The following NFKB1 variants were observed in gnomAD, a reference collection of about 807,000 sequenced individuals.
NFKB1 encodes the protein nuclear factor kappa B subunit 1.
Under a neutral mutation model 105.1 loss-of-function variants are expected in NFKB1, and 9 were observed. That is an observed-to-expected ratio of 0.09 (90% CI 0.05 to 0.15). The LOEUF is 0.15. NFKB1 is among the 10% of genes least tolerant of loss of function. The pLI is 1.00. For synonymous variants in NFKB1, 440 were observed against 442.2 expected, an observed-to-expected ratio of 1.00 and a Z score of 0.06; for missense variants, 830 against 1,203.7, an observed-to-expected ratio of 0.69 and a Z score of 4.59.
At chr4:102,559,975 A>T (rs1723277460) in intron 5 of NFKB1, among the ~76,000 whole-genome samples, 1 of 151,816 alleles carries the variant, frequency 6.6e-6, no homozygotes, top group South Asian at 2.1e-4. Flanking sequence ...AAAAAGAAAT[A>T]TAAGAAATGG....
At chr4:102,573,277 C>A (rs934164099) in intron 6 of NFKB1, among the ~76,000 whole-genome samples, 10 of 152,070 alleles carry the variant, frequency 6.6e-5, no homozygotes, top group African/African-American at 2.2e-4. Flanking sequence ...AATTGCACTC[C>A]GGCCTGCGCA....
intron 5 of NFKB1, among the ~76,000 whole-genome samples, chr4:102,566,059 C>A (rs774344256): frequency 5.5e-4 from 83 of 152,096 alleles, no homozygotes; most frequent in Middle Eastern, 3.2e-3. Flanking sequence ...AAAATAAGGT[C>A]TTTTCTGTTA....
chr4:102,571,513 CA>C (rs1457884857), intron 6 of NFKB1, among the ~76,000 whole-genome samples: 1 of 152,112 alleles, frequency 6.6e-6, no homozygotes, highest in Non-Finnish European at 1.5e-5. Flanking sequence ...AGCTTCTCCG[CA>C]GCAAAAGAAA....
intron 1 of NFKB1, among the ~76,000 whole-genome samples, chr4:102,506,717 C>T (rs1394723613): frequency 6.6e-6 from 1 of 152,056 alleles, no homozygotes; most frequent in South Asian, 2.1e-4. Context: ...CCTGGGAACC[C>T]TAATGCAGTC....
rs914031877 is a variant in NFKB1, at chr4:102,582,981, A to C, written c.927+24A>C. The C allele has an allele frequency of 6.7e-6, 10 of 1,495,640 alleles. No homozygotes were observed. The African/African-American group carries it at 1.4e-4, about 21-fold the overall frequency. 92.6% of individuals were successfully genotyped at this position (1,495,640 alleles called of 1,614,324 possible). A position where few individuals can be genotyped will look rare whatever the true frequency, so the allele number is the denominator to read the frequency against. On this transcript the variant is annotated intron_variant, in intron 10 of 23. Transcript: ENST00000226574. ...AAGTAAGTGATTTATTATTATTATT[A>C]ATCCTTATTATTTTTAGAGATGGGA...
chr4:102,578,583 C>CA, intron 7 of NFKB1: 1 of 456,312 alleles, frequency 2.2e-6, no homozygotes, highest in South Asian at 4.7e-5. Context: ...GCCTTTAACT[C>CA]TTACTGTAGA....
chr4:102,549,600 A>G (rs1405196211), intron 5 of NFKB1, among the ~76,000 whole-genome samples: 1 of 151,874 alleles, frequency 6.6e-6, no homozygotes, highest in Non-Finnish European at 1.5e-5. Context: ...CTAGACTTCC[A>G]CTTTGAAATG....
chr4:102,613,510 C>A lies in NFKB1; in HGVS notation c.2678C>A (p.Ser893Tyr), dbSNP rs1165511787. Residue 893 changes from serine (S) to tyrosine (Y), a missense_variant, in exon 23 of 24, where the codon TCC (serine) becomes TAC (tyrosine). Ser to Tyr is a moderately radical substitution (Grantham distance 144). Transcript: ENST00000226574. ...TEAIEVIQAA[S>Y]SPVKTTSQAH... ...GCAATTGAAGTGATCCAGGCAGCCT[C>A]CAGCCCAGTGAAGACCACCTCTCAG... The A allele has an allele frequency of 6.2e-7, 1 of 1,613,950 alleles. No homozygotes were observed. The highest frequency in any genetic ancestry group is 8.5e-7 in the Non-Finnish European group (1 of 1,180,000).
chr4:102,529,820 A>G lies in NFKB1; in HGVS notation c.40-16A>G, dbSNP rs1360788669. On this transcript the variant is annotated splice_polypyrimidine_tract_variant and intron_variant, in intron 2 of 23. Transcript: ENST00000226574. ...GAAAAATAATGATTGAAACATTTAA[A>G]TGTTCTTCTTTACAGATGTTTCATT... The G allele has an allele frequency of 4.5e-6, 7 of 1,543,274 alleles. No homozygotes were observed. The highest frequency in any genetic ancestry group is 2.3e-5 in the East Asian group (1 of 43,464).
chr4:102,575,267 A>G (rs1314841480), intron 6 of NFKB1, among the ~76,000 whole-genome samples: 1 of 152,022 alleles, frequency 6.6e-6, no homozygotes, highest in Non-Finnish European at 1.5e-5. Flanking sequence ...CACTTTTTTC[A>G]TCTGCCTGGA....
chr4:102,556,814 C>T (rs1475426499), intron 5 of NFKB1, among the ~76,000 whole-genome samples: 6 of 152,114 alleles, frequency 3.9e-5, no homozygotes, highest in Admixed American at 3.3e-4. Flanking sequence ...AAGAATCGTT[C>T]AGTATTTCTT....
chr4:102,580,617 T>A lies in NFKB1; in HGVS notation c.813T>A (p.Leu271=), dbSNP rs1725248497. Residue 271 remains leucine, a synonymous_variant, in exon 9 of 24, where the codon CTT becomes CTA. Coordinates refer to ENST00000226574, the MANE Select transcript of NFKB1 (RefSeq NM_003998.4). ...TGACTGGAGGGGAGGAAATTTATCT[T>A]CTTTGTGACAAAGTTCAGAAAGGTA... ...GCVTGGEEIY[L]LCDKVQKDDI... 1 of 1,613,652 alleles carries A rather than the reference T, an allele frequency of 6.2e-7. No homozygotes were observed. The highest frequency in any genetic ancestry group is 1.3e-5 in the African/African-American group (1 of 74,902).
chr4:102,556,386 A>T (rs1722989979), intron 5 of NFKB1, among the ~76,000 whole-genome samples: 1 of 152,116 alleles, frequency 6.6e-6, no homozygotes, highest in African/African-American at 2.4e-5. Context: ...ATGTCAAGGG[A>T]GTGATCACGA....
intron 10 of NFKB1, 114 bp from the exon 11 acceptor site, chr4:102,584,568 G>A (rs1725567446): frequency 1.9e-6 from 2 of 1,052,488 alleles, no homozygotes; most frequent in Admixed American, 5.6e-5. Flanking sequence ...AGTACACTGT[G>A]TCTAAACATT....
At chr4:102,526,017 A>G (rs1740886476) in intron 2 of NFKB1, among the ~76,000 whole-genome samples, 1 of 152,066 alleles carries the variant, frequency 6.6e-6, no homozygotes, top group East Asian at 1.9e-4. Context: ...TTATCGCTCC[A>G]ATCTCTTCCT....
intron 19 of NFKB1, among the ~76,000 whole-genome samples, chr4:102,609,089 G>C (rs1728114309): frequency 6.8e-6 from 1 of 146,092 alleles, no homozygotes; most frequent in South Asian, 2.2e-4. Flanking sequence ...TGAGTTCAAG[G>C]GTGCAGTGAG....
At chr4:102,613,907 C>T (rs548598239) in intron 23 of NFKB1, among the ~76,000 whole-genome samples, 8 of 152,310 alleles carry the variant, frequency 5.3e-5, no homozygotes, top group East Asian at 1.9e-4. Context: ...AGAACCATCT[C>T]CTTCTTCCTT....
In NFKB1 at chr4:102,607,819, G is replaced by C. The variant is rs6834974; in HGVS notation, c.2227+68G>C. The C allele has an allele frequency of 8.0e-6, 11 of 1,366,674 alleles. No individual in the cohort carries two copies. The African/African-American group carries it at 1.4e-4, about 18-fold the overall frequency. The allele number at this position is 1,366,674 out of a possible 1,614,324, so 84.7% of individuals were successfully genotyped here. ...GGAATGCAAACCCAACTTCAATAGA[G>C]CAGTCATGTTGCCTTCTTTAAGCCA... On this transcript the variant is annotated intron_variant, in intron 19 of 23. Transcript: ENST00000226574.
intron 1 of NFKB1, among the ~76,000 whole-genome samples, chr4:102,504,802 A>T (rs528719879): frequency 6.6e-6 from 1 of 152,322 alleles, no homozygotes; most frequent in East Asian, 1.9e-4. Context: ...GGAAGAACTG[A>T]AGGTACTCAG....
Sources: gnomAD v4.1 joint callset for allele counts (sites outside exome capture counted in the v4.1 genomes callset) on GRCh38, gnomAD v4.1.1 for gene constraint, MANE v1.5 for transcripts, NCBI Gene and HGNC (gene_info 2026-07-23, HGNC 2026-07-21) for gene names.